The following FOXN3 variants were observed in gnomAD, a reference collection of about 807,000 sequenced individuals.
FOXN3 encodes the protein forkhead box protein N3.
In FOXN3, 7 loss-of-function variants were observed where a neutral mutation model predicts 38.4. The observed-to-expected ratio is 0.18, with a 90% CI of 0.10 to 0.34. The LOEUF is 0.34. Among genes scored for constraint, FOXN3 ranks in the 10% least tolerant of loss-of-function variants. FOXN3 has a pLI of 1.00. For missense variants in FOXN3, 456 were observed against 613.4 expected (o/e 0.74, Z 2.71); for synonymous variants, 230 against 242.2 (o/e 0.95, Z 0.47).
intron 4 of FOXN3, among the ~76,000 whole-genome samples, chr14:89,190,005 AGG>A (rs1887903715): frequency 6.6e-6 from 1 of 152,252 alleles, no homozygotes; most frequent in East Asian, 1.9e-4. Context: ...GGTACTGCTC[AGG>A]TCCATTAGGG....
chr14:89,528,374 A>ATATTTT, intron 1 of FOXN3, among the ~76,000 whole-genome samples: 1 of 62,220 alleles, frequency 1.6e-5, no homozygotes, highest in Non-Finnish European at 2.9e-5. Context: ...ACATGGATGA[A>ATATTTT]TCTTTTTTTT....
At chr14:89,209,524 C>T (rs746592932) in intron 4 of FOXN3, among the ~76,000 whole-genome samples, 2 of 152,174 alleles carry the variant, frequency 1.3e-5, no homozygotes, top group African/African-American at 4.8e-5. Context: ...AGCGGAGTGA[C>T]GATTCCTGCT....
At chr14:89,214,444 C>G (rs1421275574) in intron 4 of FOXN3, among the ~76,000 whole-genome samples, 1 of 152,196 alleles carries the variant, frequency 6.6e-6, no homozygotes, top group African/African-American at 2.4e-5. Context: ...TCCGCTGCCC[C>G]GACAACTTAA....
At chr14:89,308,733 A>G (rs1440643234) in intron 3 of FOXN3, among the ~76,000 whole-genome samples, 2 of 152,216 alleles carry the variant, frequency 1.3e-5, no homozygotes, top group Non-Finnish European at 2.9e-5. Flanking sequence ...GAATTAAATG[A>G]GTAGATTCTT....
chr14:89,612,033 G>A (rs1445941822), intron 1 of FOXN3, among the ~76,000 whole-genome samples: 1 of 152,006 alleles, frequency 6.6e-6, no homozygotes, highest in Admixed American at 6.6e-5. Context: ...ACAGTCAGAG[G>A]AGCAGTTGTG....
chr14:89,199,868 C>G (rs544096092), intron 4 of FOXN3, among the ~76,000 whole-genome samples: 1 of 152,078 alleles, frequency 6.6e-6, no homozygotes, highest in Admixed American at 6.6e-5. Context: ...TGTGCCACTG[C>G]GCTCAAGCCT....
intron 1 of FOXN3, among the ~76,000 whole-genome samples, chr14:89,423,997 A>T (rs927267188): frequency 9.2e-5 from 14 of 152,228 alleles, no homozygotes; most frequent in Admixed American, 8.5e-4. Context: ...CACACCTGGC[A>T]TTTATGCCTG....
At chr14:89,384,547 T>A (rs1319521625) in intron 2 of FOXN3, among the ~76,000 whole-genome samples, 1 of 152,186 alleles carries the variant, frequency 6.6e-6, no homozygotes, top group Non-Finnish European at 1.5e-5. Context: ...GAAAACTGTT[T>A]TTGTAATCTA....
At chr14:89,187,930 C>T (rs1039725417) in intron 4 of FOXN3, among the ~76,000 whole-genome samples, 4 of 152,154 alleles carry the variant, frequency 2.6e-5, no homozygotes, top group Non-Finnish European at 4.4e-5. Flanking sequence ...TCAGATGGGA[C>T]GGTGAATGCA....
rs529409260 is a variant in FOXN3 at position 89,433,855 on chromosome 14, A to G, written c.-14-21365T>C. Among the ~76,000 whole-genome samples the G allele has an allele frequency of 9.2e-5, 14 of 151,870 alleles. No individual in the cohort carries two copies. The South Asian group carries it at 2.9e-3, about 32-fold the overall frequency. ...AGAAACAGACATATTCATTAAATGG[A>G]CAAACGTCTAAAAATACTGAAATAT... On this transcript the variant is annotated intron_variant, in intron 1 of 6. Coordinates refer to the FOXN3 transcript ENST00000345097.
chr14:89,360,282 G>C (rs1290521753), intron 2 of FOXN3, among the ~76,000 whole-genome samples: 6 of 144,554 alleles, frequency 4.2e-5, no homozygotes, highest in African/African-American at 1.3e-4. Flanking sequence ...GGAGGGATGA[G>C]AGAGGAAGAG....
At chr14:89,590,967 C>T (rs1447061613) in intron 1 of FOXN3, among the ~76,000 whole-genome samples, 2 of 146,582 alleles carry the variant, frequency 1.4e-5, no homozygotes, top group Non-Finnish European at 3.0e-5. Flanking sequence ...GTCCAATCAC[C>T]GCTCTACACA....
At chr14:89,352,852 C>T (rs1225232862) in intron 2 of FOXN3, among the ~76,000 whole-genome samples, 1 of 152,190 alleles carries the variant, frequency 6.6e-6, no homozygotes, top group Non-Finnish European at 1.5e-5. Context: ...TGTTTGTTTA[C>T]TGTACCCTTG....
chr14:89,575,631 G>A (rs886314940), intron 1 of FOXN3, among the ~76,000 whole-genome samples: 2 of 152,132 alleles, frequency 1.3e-5, no homozygotes, highest in African/African-American at 2.4e-5. Context: ...GAGCTGCCAC[G>A]CTCGGGCCCT....
At chr14:89,534,062 A>ACCCACTAT (rs1428986233) in intron 1 of FOXN3, among the ~76,000 whole-genome samples, 1 of 144,004 alleles carries the variant, frequency 6.9e-6, no homozygotes, top group Non-Finnish European at 1.5e-5. Context: ...CCCCCCCGCC[A>ACCCACTAT]CCCACTATGG....
intron 1 of FOXN3, among the ~76,000 whole-genome samples, chr14:89,470,964 A>G (rs957564089): frequency 3.3e-5 from 5 of 152,192 alleles, no homozygotes; most frequent in East Asian, 3.8e-4. Flanking sequence ...GCAGATCCCA[A>G]TAGGGGAAAT....
chr14:89,441,120 A>G (rs1760900767), intron 1 of FOXN3, among the ~76,000 whole-genome samples: 1 of 152,044 alleles, frequency 6.6e-6, no homozygotes, highest in African/African-American at 2.4e-5. Context: ...CCTTCCCCAA[A>G]GTCTTATCTC....
At chr14:89,500,051 C>T (rs892028608) in intron 1 of FOXN3, among the ~76,000 whole-genome samples, 1 of 152,126 alleles carries the variant, frequency 6.6e-6, no homozygotes, top group East Asian at 1.9e-4. Context: ...TGGGGTTTCA[C>T]CATGTTGGCC....
intron 2 of FOXN3, among the ~76,000 whole-genome samples, chr14:89,394,562 A>G (rs1891054950): frequency 1.3e-5 from 2 of 152,208 alleles, no homozygotes; most frequent in African/African-American, 4.8e-5. Flanking sequence ...GCAGGAGTTT[A>G]GTAAAGCTTT....
Sources: gnomAD v4.1 joint callset for allele counts (sites outside exome capture counted in the v4.1 genomes callset) on GRCh38, gnomAD v4.1.1 for gene constraint, MANE v1.5 for transcripts, NCBI Gene and HGNC (gene_info 2026-07-23, HGNC 2026-07-21) for gene names.